NDST3: variants seen among roughly 807,000 people sequenced by gnomAD.
NDST3 encodes the protein bifunctional heparan sulfate N-deacetylase/N-sulfotransferase 3.
NDST3 carries 58 observed loss-of-function variants against 96.1 expected under a neutral mutation model. That is an observed-to-expected ratio of 0.60 (90% CI 0.49 to 0.75). NDST3 has a LOEUF of 0.75. Ranked by LOEUF, NDST3 falls within the 30% of genes least tolerant of loss-of-function variation. The pLI is 0.00. For synonymous variants in NDST3, 333 were observed against 359.7 expected (o/e 0.93, Z 0.84); for missense variants, 788 against 1,034.2 (o/e 0.76, Z 3.27).
chr4:118,149,032 T>A (rs2125913139), intron 6 of NDST3, among the ~76,000 whole-genome samples: 1 of 152,160 alleles, frequency 6.6e-6, no homozygotes, highest in East Asian at 1.9e-4. Flanking sequence ...CATTGCTTGT[T>A]TTTCTCAGGT....
At chr4:118,241,804 CTTTT>C (rs1274971032) in intron 11 of NDST3, among the ~76,000 whole-genome samples, 2 of 152,060 alleles carry the variant, frequency 1.3e-5, no homozygotes, top group Non-Finnish European at 2.9e-5. Context: ...TTTCAACTGC[CTTTT>C]TTGTTTTCAT....
At chr4:118,249,372 A>C (rs1250812288) in intron 12 of NDST3, among the ~76,000 whole-genome samples, 1 of 152,226 alleles carries the variant, frequency 6.6e-6, no homozygotes, top group African/African-American at 2.4e-5. Flanking sequence ...ATATTACATC[A>C]ATCACAGACT....
intron 2 of NDST3, among the ~76,000 whole-genome samples, chr4:118,093,084 T>C (rs1008617885): frequency 4.0e-5 from 6 of 151,734 alleles, no homozygotes; most frequent in African/African-American, 1.2e-4. Context: ...TCCCTAACAA[T>C]GAGAAGGGCT....
At chr4:118,080,797 A>G (rs752742660) in intron 2 of NDST3, among the ~76,000 whole-genome samples, 11 of 152,212 alleles carry the variant, frequency 7.2e-5, no homozygotes, top group Non-Finnish European at 1.6e-4. Flanking sequence ...CCATGGCACC[A>G]TATGAAGGAC....
At chr4:118,080,417 G>A (rs1236376992) in intron 2 of NDST3, among the ~76,000 whole-genome samples, 1 of 152,178 alleles carries the variant, frequency 6.6e-6, no homozygotes, top group East Asian at 1.9e-4. Flanking sequence ...CAGTAGAGAA[G>A]AGAGTAAAAG....
chr4:118,041,257 C>G (rs913247060), intron 1 of NDST3, among the ~76,000 whole-genome samples: 3 of 152,154 alleles, frequency 2.0e-5, no homozygotes, highest in African/African-American at 7.2e-5. Context: ...AGTTCTACCT[C>G]TACTAGCTGT....
At chr4:118,173,243 T>C (rs1736072008) in intron 6 of NDST3, among the ~76,000 whole-genome samples, 1 of 152,022 alleles carries the variant, frequency 6.6e-6, no homozygotes, top group Non-Finnish European at 1.5e-5. Flanking sequence ...AAAATTCTAA[T>C]AGATGAAGAA....
chr4:118,116,901 G>T (rs1342511613), intron 4 of NDST3, among the ~76,000 whole-genome samples: 1 of 151,792 alleles, frequency 6.6e-6, no homozygotes, highest in Non-Finnish European at 1.5e-5. Flanking sequence ...ACATATGCTA[G>T]AACAGGCATG....
At chr4:118,194,668 G>A in intron 6 of NDST3, 2 of 644,494 alleles carry the variant, frequency 3.1e-6, no homozygotes, top group Non-Finnish European at 5.7e-6. Context: ...CCTTCCTCCT[G>A]TTTGGGCGAA....
At chr4:118,114,664 T>G in intron 3 of NDST3, 142 bp from the exon 4 acceptor site, 1 of 762,684 alleles carries the variant, frequency 1.3e-6, no homozygotes, top group East Asian at 2.7e-5. Context: ...TTGATACATT[T>G]GGGTTTAAAG....
intron 2 of NDST3, among the ~76,000 whole-genome samples, chr4:118,104,420 G>A (rs1560645522): frequency 6.6e-6 from 1 of 152,058 alleles, no homozygotes; most frequent in East Asian, 1.9e-4. Flanking sequence ...TATTTTATAG[G>A]ATATAACAAT....
rs151212752 is a variant in NDST3 at position 118,069,550 on chromosome 4, G to A, written c.981+14659G>A. Among the ~76,000 whole-genome samples the A allele has an allele frequency of 8.8e-3, 1,338 of 151,964 alleles. 23 individuals carry two copies. The highest frequency in any genetic ancestry group is 0.082 in the Middle Eastern group (24 of 294). ...AATATATAAACAATCCACGCACTTT[G>A]TAATGAAAATAATTAATATAGAAAA... On this transcript the variant is annotated intron_variant, in intron 2 of 13. Transcript: ENST00000296499.
intron 4 of NDST3, among the ~76,000 whole-genome samples, chr4:118,126,300 C>T (rs1448272075): frequency 2.0e-5 from 3 of 151,882 alleles, no homozygotes; most frequent in African/African-American, 7.3e-5. Context: ...GGTAGCCATC[C>T]TTCGACTCTC....
intron 3 of NDST3, among the ~76,000 whole-genome samples, chr4:118,110,737 GAA>G (rs1051893443): frequency 1.3e-5 from 2 of 152,110 alleles, no homozygotes; most frequent in Admixed American, 6.5e-5. Flanking sequence ...TAACACTGTA[GAA>G]AAGAGTTTGG....
At chr4:118,171,081 C>T (rs1735918852) in intron 6 of NDST3, among the ~76,000 whole-genome samples, 1 of 152,122 alleles carries the variant, frequency 6.6e-6, no homozygotes, top group Non-Finnish European at 1.5e-5. Flanking sequence ...AAGTTGTTTA[C>T]AATTTCCTAC....
upstream of NDST3, chr4:118,033,662 T>G (rs1401248822): frequency 1.3e-5 from 2 of 151,530 alleles, no homozygotes; most frequent in African/African-American, 2.4e-5. Flanking sequence ...AGGGCCGTGG[T>G]TCTCCAGCGC....
intron 12 of NDST3, among the ~76,000 whole-genome samples, chr4:118,243,427 T>C (rs1374763528): frequency 1.3e-5 from 2 of 152,222 alleles, no homozygotes; most frequent in African/African-American, 4.8e-5. Context: ...GAGTCATTTA[T>C]ACTTTGCTGT....
At chr4:118,214,498 G>T (rs1475161611) in intron 6 of NDST3, among the ~76,000 whole-genome samples, 2 of 152,120 alleles carry the variant, frequency 1.3e-5, no homozygotes, top group East Asian at 1.9e-4. Context: ...TATTTAAATT[G>T]ATTTTATTCA....
chr4:118,048,509 C>T (rs982796811), intron 1 of NDST3, among the ~76,000 whole-genome samples: 5 of 151,870 alleles, frequency 3.3e-5, no homozygotes, highest in African/African-American at 9.7e-5. Context: ...TACCCACAGG[C>T]GCAAAGTAAA....
Sources: gnomAD v4.1 joint callset for allele counts (sites outside exome capture counted in the v4.1 genomes callset) on GRCh38, gnomAD v4.1.1 for gene constraint, MANE v1.5 for transcripts, NCBI Gene and HGNC (gene_info 2026-07-23, HGNC 2026-07-21) for gene names.